The following NEIL2 variants were observed in gnomAD, a reference collection of about 807,000 sequenced individuals.
The protein encoded by NEIL2 is nei like DNA glycosylase 2, also known as endonuclease 8-like 2.
A neutral mutation model predicts 22.2 loss-of-function variants in NEIL2; 23 were observed. That is an observed-to-expected ratio of 1.04 (90% CI 0.75 to 1.47). The LOEUF (loss-of-function observed/expected upper bound fraction) is 1.47, where lower values mean the gene tolerates loss of function less well. NEIL2 is among the 40% of genes most tolerant of loss of function. NEIL2 has a pLI of 0.00. For synonymous variants in NEIL2, 229 were observed against 164.8 expected (o/e 1.39, Z -2.99); for missense variants, 583 against 404.7 (o/e 1.44, Z -3.78).
At chr8:11,782,643 T>A (rs1401427043) in intron 3 of NEIL2, 2 of 185,620 alleles carry the variant, frequency 1.1e-5, no homozygotes, top group African/African-American at 2.3e-5. Context: ...GTACTCAAAG[T>A]ATGGCTTTTA....
In NEIL2 at chr8:11,783,337, C is replaced by T; in HGVS notation, c.626C>T (p.Ala209Val). The change falls in exon 4 of 5, where the codon GCT becomes GTT. Residue 209 changes from alanine (A) to valine (V), a missense_variant. Ala to Val is a moderately conservative substitution (Grantham distance 64). Coordinates refer to ENST00000284503, the MANE Select transcript of NEIL2 (RefSeq NM_145043.4). ...EKFHRGQALE[A>V]LGQAQPVCYT... ...TTCCATCGAGGACAAGCCTTAGAAG[C>T]TCTAGGCCAGGCTCAGCCTGTCTGC... is the stretch of plus-strand genomic sequence containing the variant. 1 of 1,614,202 alleles carries T rather than the reference C, an allele frequency of 6.2e-7. No individual in the cohort carries two copies. The highest frequency in any genetic ancestry group is 8.5e-7 in the Non-Finnish European group (1 of 1,180,036).
intron 3 of NEIL2, among the ~76,000 whole-genome samples, chr8:11,781,222 A>T (rs1486998818): frequency 6.6e-6 from 1 of 152,120 alleles, no homozygotes; most frequent in Non-Finnish European, 1.5e-5. Context: ...TGTAAAAATA[A>T]CTCGGAGTAG....
intron 3 of NEIL2, among the ~76,000 whole-genome samples, chr8:11,780,698 AT>A (rs1028828340): frequency 2.6e-5 from 4 of 152,306 alleles, no homozygotes; most frequent in Admixed American, 6.5e-5. Context: ...TTTATAATCT[AT>A]GAATGTTGAG....
At chr8:11,780,844 A>G (rs1419609961) in intron 3 of NEIL2, among the ~76,000 whole-genome samples, 6 of 152,202 alleles carry the variant, frequency 3.9e-5, no homozygotes. Context: ...GGAAAGTGCT[A>G]GCTGAGCTGA....
chr8:11,779,918 CA>C lies in NEIL2; in HGVS notation c.461del (p.Lys154ArgfsTer54), dbSNP rs1804261944. On this transcript the variant is annotated frameshift_variant, in exon 3 of 5. Coordinates refer to ENST00000284503, the MANE Select transcript of NEIL2 (RefSeq NM_145043.4). LOFTEE classifies it high-confidence loss of function. Reference sequence around the variant, plus strand: ...ATTTCTCCAGAGCCAAGAAAGCCAACAAGAGGGGGGACTGGAGGGACCCTTC... The same window carrying C: ...ATTTCTCCAGAGCCAAGAAAGCCAACAGAGGGGGGACTGGAGGGACCCTTC... ...NDFSRAKKAN[K>X]RGDWRDPSPR... is the part of the protein sequence containing the mutation. The C allele has an allele frequency of 6.2e-7, 1 of 1,613,980 alleles. No individual in the cohort carries two copies. The highest frequency in any genetic ancestry group is 1.7e-5 in the Admixed American group (1 of 60,000).
chr8:11,774,577 C>A (rs1178282800), intron 2 of NEIL2, among the ~76,000 whole-genome samples: 1 of 152,164 alleles, frequency 6.6e-6, no homozygotes, highest in African/African-American at 2.4e-5. Context: ...ATCATGCCTT[C>A]CCAACAGTCC....
In NEIL2 at chr8:11,779,827, C is replaced by T. The variant is rs144176325; in HGVS notation, c.368C>T (p.Pro123Leu). Reference protein sequence around the residue: ...DDSEYLERDAPAGDAGRWLRV... With the variant: ...DDSEYLERDALAGDAGRWLRV... ...TCTGAGTATTTGGAGAGAGACGCCCCTGCAGGAGATGCTGGGAGGTGGCTG... is the reference window on the plus strand; with the variant it reads ...TCTGAGTATTTGGAGAGAGACGCCCTTGCAGGAGATGCTGGGAGGTGGCTG... Residue 123 changes from proline (P) to leucine (L), a missense_variant, in exon 3 of 5, where the codon CCT becomes CTT. Physicochemically the swap from Pro to Leu is moderately conservative, Grantham distance 98 (BLOSUM62 -3). Coordinates refer to ENST00000284503, the MANE Select transcript of NEIL2 (RefSeq NM_145043.4). 1.4e-4 allele frequency: 230 copies of T among 1,614,202 alleles called. No individual in the cohort carries two copies. Among genetic ancestry groups the T allele is most frequent in the Non-Finnish European group, 1.9e-4 (221 of 1,180,028 alleles).
intron 2 of NEIL2, among the ~76,000 whole-genome samples, chr8:11,774,503 A>C (rs1803744429): frequency 6.6e-6 from 1 of 152,198 alleles, no homozygotes; most frequent in Non-Finnish European, 1.5e-5. Context: ...CATGGGAATC[A>C]TGGGAGTTAT....
intron 2 of NEIL2, among the ~76,000 whole-genome samples, chr8:11,774,202 C>T (rs1803714289): frequency 6.6e-6 from 1 of 152,088 alleles, no homozygotes; most frequent in Non-Finnish European, 1.5e-5. Flanking sequence ...ATGTTAAACC[C>T]CATCTCTACT....
intron 4 of NEIL2, 44 bp from the exon 5 acceptor site, chr8:11,785,919 A>C (rs564383838): frequency 6.3e-7 from 1 of 1,578,644 alleles, no homozygotes; most frequent in Non-Finnish European, 8.7e-7. Flanking sequence ...TCATCATGCC[A>C]TGTGTCCTTT....
At chr8:11,771,831 T>C (rs1803474860) in intron 2 of NEIL2, among the ~76,000 whole-genome samples, 1 of 152,224 alleles carries the variant, frequency 6.6e-6, no homozygotes, top group African/African-American at 2.4e-5. Flanking sequence ...GGAGTGCTCC[T>C]ATTCTCTCCG....
At position 11,769,751 on chromosome 8, in the gene NEIL2, G is replaced by C. The variant is rs1292003552; in HGVS notation, c.-587G>C. The C allele has an allele frequency of 6.6e-6, 1 of 152,368 alleles. No individual in the cohort carries two copies. Among genetic ancestry groups the C allele is most frequent in the Non-Finnish European group, 1.5e-5 (1 of 68,164 alleles). The allele number at this position is 152,368 out of a possible 1,614,324, so 9.4% of individuals were successfully genotyped here. On this transcript the variant is annotated 5_prime_UTR_variant, in exon 1 of 5. Transcript: ENST00000284503. ...CTGGAGCGGCTGTGCGGGCTGCGTA[G>C]CGGTGCTGGGTCGGGCCGACGTGCC...
At position 11,786,064 on chromosome 8, in the gene NEIL2, G is replaced by C; in HGVS notation, c.790G>C (p.Val264Leu). 1.2e-6 allele frequency: 2 copies of C among 1,614,154 alleles called. No individual in the cohort carries two copies. Among genetic ancestry groups the C allele is most frequent in the African/African-American group, 1.3e-5 (1 of 75,036 alleles). ...GCGTCGGGAGGTCCTGGTGGATCAC[G>C]TGGTGGAGTTCAGTACAGCCTGGCT... ...ASRREVLVDHVVEFSTAWLQG... is the reference protein window; with the variant it reads ...ASRREVLVDHLVEFSTAWLQG... Residue 264 changes from valine to leucine, a missense_variant, in exon 5 of 5, where the codon GTG becomes CTG. Val to Leu is a conservative substitution (Grantham distance 32). Transcript: ENST00000284503.
chr8:11,774,591 A>G (rs1166593170), intron 2 of NEIL2, among the ~76,000 whole-genome samples: 1 of 152,144 alleles, frequency 6.6e-6, no homozygotes, highest in Non-Finnish European at 1.5e-5. Flanking sequence ...ACAGTCCCCA[A>G]AAGTCTTAAT....
At chr8:11,778,695 G>C (rs1804118642) in intron 2 of NEIL2, among the ~76,000 whole-genome samples, 2 of 151,626 alleles carry the variant, frequency 1.3e-5, no homozygotes, top group South Asian at 4.2e-4. Context: ...CTCATGCCTG[G>C]AATCCCAACA....
Position 11,772,928 on chromosome 8 carries a change from C to T in NEIL2, c.138+1343C>T, listed in dbSNP as rs111432915. ...ATCTTGCCCTCACCCCCCACCCCCG[C>T]AACACACACACACAGAGGTTTTAAA... On this transcript the variant is annotated intron_variant, in intron 2 of 4. Coordinates refer to ENST00000284503, the MANE Select transcript of NEIL2 (RefSeq NM_145043.4). 7.0e-3 allele frequency among the ~76,000 whole-genome samples: 1,070 copies of T among 152,232 alleles called. 9 individuals are homozygous for T. The highest frequency in any genetic ancestry group is 0.02 in the Middle Eastern group (6 of 294).
At chr8:11,785,475 A>G (rs1804830270) in intron 4 of NEIL2, among the ~76,000 whole-genome samples, 1 of 152,196 alleles carries the variant, frequency 6.6e-6, no homozygotes, top group Non-Finnish European at 1.5e-5. Context: ...GGATTACAGG[A>G]ATGCGCCAGG....
At chr8:11,773,743 T>A (rs1482144680) in intron 2 of NEIL2, among the ~76,000 whole-genome samples, 1 of 152,140 alleles carries the variant, frequency 6.6e-6, no homozygotes, top group Non-Finnish European at 1.5e-5. Flanking sequence ...TGCCATCTGT[T>A]TGTCTGGCAC....
In NEIL2 at chr8:11,769,904, G is replaced by A. The variant is rs1803276583; in HGVS notation, c.-434G>A. On this transcript the variant is annotated 5_prime_UTR_variant, in exon 1 of 5. The change creates a new upstream start codon in the 5' untranslated region. Transcript: ENST00000284503. ...TCCTCCGTCTCAGCCGCCTGCGGAGGTGCTGCCCACGCCTGGAGGCCCCCA... is the reference window on the plus strand; with the variant it reads ...TCCTCCGTCTCAGCCGCCTGCGGAGATGCTGCCCACGCCTGGAGGCCCCCA... 1 of 152,386 alleles carries A rather than the reference G, an allele frequency of 6.6e-6. No homozygotes were observed. The highest frequency in any genetic ancestry group is 1.5e-5 in the Non-Finnish European group (1 of 68,182). 9.4% of individuals were successfully genotyped at this position (152,386 alleles called of 1,614,324 possible). A position where few individuals can be genotyped will look rare whatever the true frequency, so the allele number is the denominator to read the frequency against.
Sources: allele counts gnomAD v4.1 joint callset (sites outside exome capture counted in the v4.1 genomes callset), GRCh38; gene constraint gnomAD v4.1.1; transcripts MANE v1.5; gene names NCBI Gene and HGNC (gene_info 2026-07-23, HGNC 2026-07-21).